Variants in MTMR7 observed in about 807,000 individuals in gnomAD.
MTMR7 encodes phosphatidylinositol-3-phosphate phosphatase MTMR7.
MTMR7 carries 76 observed loss-of-function variants against 81.2 expected under a neutral mutation model. That is an observed-to-expected ratio of 0.94 (90% CI 0.78 to 1.13). MTMR7 has a LOEUF of 1.13. Among genes scored for constraint, MTMR7 ranks in the 50% most tolerant of loss-of-function variants. MTMR7 has a pLI of 0.00. For synonymous variants in MTMR7, 372 were observed against 289.8 expected, an observed-to-expected ratio of 1.28 and a Z score of -2.88; for missense variants, 1,044 against 820.0, an observed-to-expected ratio of 1.27 and a Z score of -3.34.
At position 17,348,981 on chromosome 8, in the gene MTMR7, A is replaced by C; in HGVS notation, c.569T>G (p.Val190Gly). 6.2e-7 allele frequency: 1 copy of C among 1,613,704 alleles called. No homozygotes were observed. Among genetic ancestry groups the C allele is most frequent in the Non-Finnish European group, 8.5e-7 (1 of 1,179,984 alleles). ...SKFRSRRRFPVLSYYYKDNHA... is the reference protein window; with the variant it reads ...SKFRSRRRFPGLSYYYKDNHA... ...GTTATCTTTATAATAGTAAGAAAGG[A>C]CAGGAAATCGCCGTCTACTCCGGAA... Residue 190 changes from valine to glycine, a missense_variant, in exon 5 of 14, where the codon GTC becomes GGC. Val to Gly is a moderately radical substitution (Grantham distance 109). Transcript: ENST00000180173.
chr8:17,389,838 A>T (rs764867896), intron 1 of MTMR7, among the ~76,000 whole-genome samples: 2 of 152,202 alleles, frequency 1.3e-5, no homozygotes, highest in Non-Finnish European at 2.9e-5. Context: ...GAGGAGAAAA[A>T]AAAACATGTT....
intron 12 of MTMR7, among the ~76,000 whole-genome samples, chr8:17,303,728 G>T (rs150653375): frequency 6.6e-6 from 1 of 151,732 alleles, no homozygotes; most frequent in Admixed American, 6.6e-5. Context: ...TCCTGTCTCA[G>T]CCTCCCGAGT....
chr8:17,381,264 A>G (rs1445325291), intron 1 of MTMR7, among the ~76,000 whole-genome samples: 1 of 152,078 alleles, frequency 6.6e-6, no homozygotes, highest in Admixed American at 6.5e-5. Context: ...CTCAGTCAAA[A>G]CCCTGGGCCC....
chr8:17,318,796 AG>A (rs2150504242), intron 7 of MTMR7, among the ~76,000 whole-genome samples: 1 of 152,266 alleles, frequency 6.6e-6, no homozygotes, highest in Admixed American at 6.5e-5. Flanking sequence ...TGTGCCCCCC[AG>A]GGACAGCTGA....
chr8:17,352,808 G>A lies in MTMR7; in HGVS notation c.469-3727C>T, dbSNP rs533639932. Among the ~76,000 whole-genome samples the A allele has an allele frequency of 2.0e-5, 3 of 152,230 alleles. No individual in the cohort carries two copies. The South Asian group carries it at 6.2e-4, about 32-fold the overall frequency. On this transcript the variant is annotated intron_variant, in intron 4 of 13. Transcript: ENST00000180173. ...AAAACATAATAAAACTAGTACTGGT[G>A]AGCACTCAGATAAATTGAAACCCTA... is the stretch of plus-strand genomic sequence containing the variant.
rs543937442 is a variant in MTMR7 at position 17,406,613 on chromosome 8, A to G, written c.24+6656T>C. ...ATGATAACCACAAAGTTGCTATACG[A>G]TTCACCAAATTCTGTTCTCAGAGAA... On this transcript the variant is annotated intron_variant, in intron 1 of 13. Transcript: ENST00000180173. Among the ~76,000 whole-genome samples the G allele has an allele frequency of 2.7e-5, 4 of 150,866 alleles. No homozygotes were observed. The East Asian group carries it at 7.7e-4, about 29-fold the overall frequency.
chr8:17,347,962 A>G (rs1285979878), intron 5 of MTMR7, among the ~76,000 whole-genome samples: 1 of 152,134 alleles, frequency 6.6e-6, no homozygotes, highest in African/African-American at 2.4e-5. Flanking sequence ...CAGGCAGGCC[A>G]TGGCCAAATC....
chr8:17,368,148 A>G (rs1820291804), intron 3 of MTMR7, among the ~76,000 whole-genome samples: 1 of 151,892 alleles, frequency 6.6e-6, no homozygotes, highest in African/African-American at 2.4e-5. Context: ...GGAGCACACA[A>G]CCTAGATCCC....
intron 1 of MTMR7, among the ~76,000 whole-genome samples, chr8:17,389,799 G>C (rs753363732): frequency 1.3e-5 from 2 of 152,034 alleles, no homozygotes. Flanking sequence ...GTGAAAAGTA[G>C]GGCCATATAA....
chr8:17,355,599 A>G (rs1819867357), intron 4 of MTMR7, among the ~76,000 whole-genome samples: 1 of 152,170 alleles, frequency 6.6e-6, no homozygotes, highest in Non-Finnish European at 1.5e-5. Flanking sequence ...ATGCTAAAAG[A>G]CAAAACATGG....
intron 9 of MTMR7, among the ~76,000 whole-genome samples, chr8:17,309,715 C>A (rs148642639): frequency 6.6e-6 from 1 of 152,088 alleles, no homozygotes; most frequent in East Asian, 1.9e-4. Flanking sequence ...GGAAGGAGAC[C>A]CCACTTCACA....
intron 10 of MTMR7, among the ~76,000 whole-genome samples, chr8:17,307,206 C>G (rs1438783827): frequency 6.6e-6 from 1 of 151,982 alleles, no homozygotes; most frequent in Admixed American, 6.6e-5. Context: ...AAAAACAACC[C>G]CATCAAAAAG....
At chr8:17,336,393 G>A (rs955609640) in intron 6 of MTMR7, among the ~76,000 whole-genome samples, 1 of 152,038 alleles carries the variant, frequency 6.6e-6, no homozygotes, top group Non-Finnish European at 1.5e-5. Context: ...TTGCTCCACG[G>A]CCACTGGACA....
chr8:17,370,248 G>A (rs980037165), intron 3 of MTMR7, among the ~76,000 whole-genome samples: 1 of 151,720 alleles, frequency 6.6e-6, no homozygotes, highest in African/African-American at 2.4e-5. Flanking sequence ...GGAGGTGCAG[G>A]CATGGTAGTT....
chr8:17,317,551 G>C (rs1818153859), intron 7 of MTMR7, among the ~76,000 whole-genome samples: 1 of 152,240 alleles, frequency 6.6e-6, no homozygotes, highest in East Asian at 1.9e-4. Flanking sequence ...TGCGGTCAAC[G>C]TTTCCAGAAA....
intron 5 of MTMR7, among the ~76,000 whole-genome samples, chr8:17,348,314 G>A (rs777075516): frequency 1.3e-5 from 2 of 151,926 alleles, no homozygotes; most frequent in Non-Finnish European, 2.9e-5. Context: ...GAGGCAGGTG[G>A]GTCACCTGTG....
intron 1 of MTMR7, among the ~76,000 whole-genome samples, chr8:17,405,543 A>G (rs993969722): frequency 7.2e-5 from 11 of 152,162 alleles, no homozygotes; most frequent in Non-Finnish European, 1.3e-4. Context: ...TGAGGATGAC[A>G]TTATCTTTAT....
At chr8:17,381,906 A>C (rs1429777076) in intron 1 of MTMR7, among the ~76,000 whole-genome samples, 4 of 152,188 alleles carry the variant, frequency 2.6e-5, no homozygotes, top group Admixed American at 2.6e-4. Context: ...CTGAAATTGA[A>C]CTGCTGGGAG....
chr8:17,328,486 T>C (rs1818812365), intron 7 of MTMR7, among the ~76,000 whole-genome samples: 1 of 151,838 alleles, frequency 6.6e-6, no homozygotes, highest in African/African-American at 2.4e-5. Flanking sequence ...AAGCACCACA[T>C]GTTCTCACTT....
Sources: gnomAD v4.1 joint callset for allele counts (sites outside exome capture counted in the v4.1 genomes callset) on GRCh38, gnomAD v4.1.1 for gene constraint, MANE v1.5 for transcripts, NCBI Gene and HGNC (gene_info 2026-07-23, HGNC 2026-07-21) for gene names.